Variants in MDGA2 observed in about 807,000 individuals in gnomAD.
MDGA2 encodes the protein MAM domain containing glycosylphosphatidylinositol anchor 2.
In MDGA2, 40 loss-of-function variants were observed where a neutral mutation model predicts 117.8. That is an observed-to-expected ratio of 0.34 (90% confidence interval 0.26 to 0.44). The LOEUF (loss-of-function observed/expected upper bound fraction) is 0.44. Ranked by LOEUF, MDGA2 falls within the 20% of genes least tolerant of loss-of-function variation. MDGA2 has a pLI of 1.00. For synonymous variants in MDGA2, 452 were observed against 439.0 expected (o/e 1.03, Z -0.37); for missense variants, 1,123 against 1,250.6 (o/e 0.90, Z 1.54).
intron 1 of MDGA2, among the ~76,000 whole-genome samples, chr14:47,524,773 C>T (rs1360961932): frequency 1.3e-5 from 2 of 152,148 alleles, no homozygotes; most frequent in Admixed American, 1.3e-4. Flanking sequence ...TCTTATGCCT[C>T]TTGGTAGCTC....
intron 3 of MDGA2, among the ~76,000 whole-genome samples, chr14:47,175,692 C>G (rs1478749389): frequency 7.0e-6 from 1 of 143,242 alleles, no homozygotes; most frequent in African/African-American, 2.5e-5. Context: ...CAGCCAATAT[C>G]ATACTGAATG....
At chr14:47,042,533 A>G (rs1385327619) in intron 7 of MDGA2, among the ~76,000 whole-genome samples, 2 of 152,140 alleles carry the variant, frequency 1.3e-5, no homozygotes, top group African/African-American at 2.4e-5. Context: ...TGTTTGTGTC[A>G]GCAGTCCTCC....
At chr14:47,556,821 G>A (rs1204561650) in intron 1 of MDGA2, among the ~76,000 whole-genome samples, 1 of 152,166 alleles carries the variant, frequency 6.6e-6, no homozygotes, top group Non-Finnish European at 1.5e-5. Flanking sequence ...CGCTCCTTCT[G>A]TAAGCTTTTC....
At chr14:47,026,511 G>A (rs904485438) in intron 8 of MDGA2, among the ~76,000 whole-genome samples, 1 of 151,798 alleles carries the variant, frequency 6.6e-6, no homozygotes, top group Non-Finnish European at 1.5e-5. Context: ...GCATATTATT[G>A]TTGGTATATT....
At chr14:46,902,694 T>C (rs901589339) in intron 10 of MDGA2, among the ~76,000 whole-genome samples, 2 of 152,188 alleles carry the variant, frequency 1.3e-5, no homozygotes, top group Admixed American at 1.3e-4. Context: ...TATTGCTTCA[T>C]ATATGGCCAT....
At position 47,296,777 on chromosome 14, in the gene MDGA2, A is replaced by C. The variant is rs997182774; in HGVS notation, c.420+4634T>G. Among the ~76,000 whole-genome samples, 5 of 152,210 alleles carry C rather than the reference A, an allele frequency of 3.3e-5. No homozygotes were observed. The South Asian group carries it at 8.3e-4, about 25-fold the overall frequency. Reference sequence around the variant, plus strand: ...CAGGCAACACAAACATATACCCTACAAGTATTCATTGGATTGTTTATAACA... The same window carrying C: ...CAGGCAACACAAACATATACCCTACCAGTATTCATTGGATTGTTTATAACA... On this transcript the variant is annotated intron_variant, in intron 2 of 16. Transcript: ENST00000399232.
chr14:46,991,871 T>C (rs190333592), intron 8 of MDGA2, among the ~76,000 whole-genome samples: 1 of 152,252 alleles, frequency 6.6e-6, no homozygotes, highest in East Asian at 1.9e-4. Flanking sequence ...GATCACTATC[T>C]GTAATAACAC....
intron 1 of MDGA2, among the ~76,000 whole-genome samples, chr14:47,595,213 T>C (rs1421292451): frequency 6.6e-6 from 1 of 151,942 alleles, no homozygotes; most frequent in Admixed American, 6.6e-5. Flanking sequence ...TCAAGCCATT[T>C]TTCTTGCAGA....
At chr14:46,960,943 T>TAC (rs1885781924) in intron 8 of MDGA2, among the ~76,000 whole-genome samples, 1 of 123,956 alleles carries the variant, frequency 8.1e-6, no homozygotes, top group Non-Finnish European at 1.6e-5. Context: ...TATGCGTATA[T>TAC]ATATATACAC....
chr14:46,912,926 T>A (rs1595039953), intron 10 of MDGA2, among the ~76,000 whole-genome samples: 1 of 152,292 alleles, frequency 6.6e-6, no homozygotes, highest in East Asian at 1.9e-4. Flanking sequence ...TAAACTTCAC[T>A]TTTTACAACT....
intron 1 of MDGA2, among the ~76,000 whole-genome samples, chr14:47,610,470 T>A (rs1302771253): frequency 6.6e-6 from 1 of 152,040 alleles, no homozygotes. Flanking sequence ...AGTTTCCGGA[T>A]ACAAGACTAA....
intron 2 of MDGA2, among the ~76,000 whole-genome samples, chr14:47,225,627 A>G (rs2139548041): frequency 6.6e-6 from 1 of 150,666 alleles, no homozygotes; most frequent in South Asian, 2.1e-4. Context: ...ACACGTGGAC[A>G]CAGGAAGGGG....
chr14:47,136,079 GAAGATACGTC>G (rs1197973411), intron 4 of MDGA2, among the ~76,000 whole-genome samples: 9 of 151,916 alleles, frequency 5.9e-5, no homozygotes, highest in South Asian at 2.1e-4. Context: ...TCTCCTCTTG[GAAGATACGTC>G]AAACTTGATT....
At chr14:46,843,055 A>G (rs1024686343) in intron 16 of MDGA2, among the ~76,000 whole-genome samples, 3 of 149,928 alleles carry the variant, frequency 2.0e-5, no homozygotes, top group African/African-American at 7.3e-5. Context: ...TAATTTATAG[A>G]GTTTAAATAT....
At chr14:47,035,915 C>T (rs1288982999) in intron 7 of MDGA2, among the ~76,000 whole-genome samples, 1 of 151,612 alleles carries the variant, frequency 6.6e-6, no homozygotes, top group African/African-American at 2.4e-5. Flanking sequence ...CATAATATTG[C>T]CAATATTTCT....
intron 1 of MDGA2, among the ~76,000 whole-genome samples, chr14:47,468,080 T>C (rs1324469977): frequency 6.6e-6 from 1 of 152,096 alleles, no homozygotes; most frequent in Non-Finnish European, 1.5e-5. Flanking sequence ...TTCTACAAGG[T>C]AAGTACAGGA....
rs191581889 is a variant in MDGA2, at chr14:47,558,035, T to G, written c.280+116482A>C. ...ACTTTCTAATAAATATGAGTCATCA[T>G]GACTTTAAAAAGTAGAATCCTGTGG... On this transcript the variant is annotated intron_variant, in intron 1 of 16. Transcript: ENST00000399232. Among the ~76,000 whole-genome samples the G allele has an allele frequency of 1.1e-4, 16 of 152,338 alleles. No homozygotes were observed. The East Asian group carries it at 2.3e-3, about 22-fold the overall frequency.
At chr14:46,967,625 T>G (rs1886087221) in intron 8 of MDGA2, among the ~76,000 whole-genome samples, 1 of 152,142 alleles carries the variant, frequency 6.6e-6, no homozygotes, top group Non-Finnish European at 1.5e-5. Flanking sequence ...CCTTACCCAC[T>G]GCATCTTTTC....
chr14:47,165,132 A>G (rs1883814966), intron 3 of MDGA2, among the ~76,000 whole-genome samples: 1 of 152,174 alleles, frequency 6.6e-6, no homozygotes, highest in Non-Finnish European at 1.5e-5. Context: ...GGATAGCATT[A>G]GGAGATATAC....
Sources: gnomAD v4.1 joint callset for allele counts (sites outside exome capture counted in the v4.1 genomes callset) on GRCh38, gnomAD v4.1.1 for gene constraint, MANE v1.5 for transcripts, NCBI Gene and HGNC (gene_info 2026-07-23, HGNC 2026-07-21) for gene names.